Variants in INPP5A observed in about 807,000 individuals in gnomAD.
INPP5A encodes the protein inositol polyphosphate-5-phosphatase A.
In INPP5A, 14 loss-of-function variants were observed where a neutral mutation model predicts 65.2. The ratio of observed to expected loss-of-function variants is 0.21; its 90% CI spans 0.14 to 0.34. The LOEUF (loss-of-function observed/expected upper bound fraction) is 0.34. INPP5A is among the 10% of genes least tolerant of loss of function. INPP5A has a pLI of 1.00. For missense variants in INPP5A, 431 were observed against 545.6 expected (o/e 0.79, Z 2.09); for synonymous variants, 207 against 208.3 (o/e 0.99, Z 0.05).
intron 2 of INPP5A, among the ~76,000 whole-genome samples, chr10:132,630,056 C>T (rs1318933942): frequency 2.6e-5 from 4 of 151,622 alleles, no homozygotes; most frequent in Admixed American, 1.3e-4. Flanking sequence ...TGGAGGAGGG[C>T]GTCCTCGAGG....
At chr10:132,658,283 G>T (rs1310364966) in intron 4 of INPP5A, among the ~76,000 whole-genome samples, 1 of 152,128 alleles carries the variant, frequency 6.6e-6, no homozygotes. Context: ...AAAAGTGTTG[G>T]AATTTGGTCC....
chr10:132,570,913 C>T (rs1244186224), intron 1 of INPP5A, among the ~76,000 whole-genome samples: 2 of 152,360 alleles, frequency 1.3e-5, no homozygotes, highest in East Asian at 1.9e-4. Context: ...CGCCTCTCAT[C>T]GGCACAGCGG....
chr10:132,567,673 G>A (rs889345461), intron 1 of INPP5A, among the ~76,000 whole-genome samples: 4 of 152,142 alleles, frequency 2.6e-5, no homozygotes, highest in Admixed American at 2.6e-4. Flanking sequence ...GAAGATGCGG[G>A]GCTCGGTCTG....
rs552056441 is a variant in INPP5A at position 132,678,690 on chromosome 10, C to G, written c.307-11702C>G. ...ACTCAGAGGCGCCCAGGCCACATGC[C>G]TGCCCTCAGGGGGCTTCCCTTCCCT... On this transcript the variant is annotated intron_variant, in intron 4 of 15. Coordinates refer to ENST00000368594, the MANE Select transcript of INPP5A (RefSeq NM_005539.5). The surrounding 1 kb of genome is among the most constrained non-coding windows in gnomAD (Gnocchi z 4.1). 1.7e-3 allele frequency among the ~76,000 whole-genome samples: 258 copies of G among 152,366 alleles called. No individual in the cohort carries two copies. Among genetic ancestry groups the G allele is most frequent in the Middle Eastern group, 3.4e-3 (1 of 294 alleles).
At position 132,670,517 on chromosome 10, in the gene INPP5A, A is replaced by C. The variant is rs535608502; in HGVS notation, c.307-19875A>C. On this transcript the variant is annotated intron_variant, in intron 4 of 15. Transcript: ENST00000368594. ...CCAGCCCCTGGCTGGCTTGCTTCTC[A>C]GCACAGCCCTGGCCCAGAAGCAGGA... 3.2e-3 allele frequency among the ~76,000 whole-genome samples: 412 copies of C among 127,788 alleles called. 2 individuals carry two copies. Among genetic ancestry groups the C allele is most frequent in the Non-Finnish European group, 5.2e-3 (335 of 64,326 alleles). 83.8% of individuals were successfully genotyped at this position (127,788 alleles called of 152,430 possible).
At chr10:132,541,158 T>G (rs770196730) in intron 1 of INPP5A, among the ~76,000 whole-genome samples, 34 of 152,174 alleles carry the variant, frequency 2.2e-4, no homozygotes, top group Non-Finnish European at 4.3e-4. Flanking sequence ...AGCTAATTTT[T>G]GTAGAGACCA....
intron 2 of INPP5A, among the ~76,000 whole-genome samples, chr10:132,634,136 T>G (rs538937914): frequency 1.3e-5 from 2 of 152,268 alleles, no homozygotes; most frequent in Non-Finnish European, 2.9e-5. Flanking sequence ...TGTCTCATAA[T>G]TGTTTTTTAC....
At position 132,663,344 on chromosome 10, in the gene INPP5A, C is replaced by T. The variant is rs2072760724; in HGVS notation, c.306+12839C>T. Among the ~76,000 whole-genome samples the T allele has an allele frequency of 6.6e-6, 1 of 152,084 alleles. No individual in the cohort carries two copies. On this transcript the variant is annotated intron_variant, in intron 4 of 15. Transcript: ENST00000368594. This position sits in a 1 kb window ranked among gnomAD's most constrained non-coding sequence, Gnocchi z 4.5. ...TCAAGTGATCCTGTGGCCTCAGCCT[C>T]CCAAGTAGCTGAGGATACAGGTGTG...
chr10:132,749,627 T>C lies in INPP5A; in HGVS notation c.828+15T>C, dbSNP rs758472291. Reference sequence around the variant, plus strand: ...ACGACCGGAAGGTGAGCGGGGCCTGTGACTGGGCAGGTGACGCACGGGGCC... The same window carrying C: ...ACGACCGGAAGGTGAGCGGGGCCTGCGACTGGGCAGGTGACGCACGGGGCC... On this transcript the variant is annotated intron_variant, in intron 10 of 15. Coordinates refer to ENST00000368594, the MANE Select transcript of INPP5A (RefSeq NM_005539.5). 8.7e-6 allele frequency: 14 copies of C among 1,611,710 alleles called. No individual in the cohort carries two copies. Among genetic ancestry groups the C allele is most frequent in the Non-Finnish European group, 1.2e-5 (14 of 1,179,032 alleles).
chr10:132,668,112 T>C (rs2072830890), intron 4 of INPP5A, among the ~76,000 whole-genome samples: 1 of 152,360 alleles, frequency 6.6e-6, no homozygotes, highest in South Asian at 2.1e-4. Context: ...GTTTTTTGAG[T>C]GTACTGGAGT....
At chr10:132,718,629 C>G (rs1382882467) in intron 8 of INPP5A, among the ~76,000 whole-genome samples, 1 of 149,474 alleles carries the variant, frequency 6.7e-6, no homozygotes. Context: ...TTCTGTGGTG[C>G]CTGGTTTCTG....
chr10:132,727,045 A>G lies in INPP5A; in HGVS notation c.732+140A>G. Reference sequence around the variant, plus strand: ...GCACTTTTTAAGGCAAAACCTTTCAATGAAGAAGCATGTTTTGCTGTCGGC... The same window carrying G: ...GCACTTTTTAAGGCAAAACCTTTCAGTGAAGAAGCATGTTTTGCTGTCGGC... On this transcript the variant is annotated intron_variant, in intron 9 of 15. Coordinates refer to ENST00000368594, the MANE Select transcript of INPP5A (RefSeq NM_005539.5). The surrounding 1 kb of genome is among the most constrained non-coding windows in gnomAD (Gnocchi z 6.5). 1.9e-6 allele frequency: 1 copy of G among 521,984 alleles called. No homozygotes were observed. Among genetic ancestry groups the G allele is most frequent in the Non-Finnish European group, 3.4e-6 (1 of 298,330 alleles). 32.3% of individuals were successfully genotyped at this position (521,984 alleles called of 1,614,324 possible).
At chr10:132,683,603 A>T (rs1417162095) in intron 4 of INPP5A, among the ~76,000 whole-genome samples, 1 of 152,268 alleles carries the variant, frequency 6.6e-6, no homozygotes, top group Non-Finnish European at 1.5e-5. Context: ...TCTCTGACAC[A>T]CTTGCTCAGT....
chr10:132,680,674 C>T (rs1017442674), intron 4 of INPP5A, among the ~76,000 whole-genome samples: 5 of 152,242 alleles, frequency 3.3e-5, no homozygotes, highest in Non-Finnish European at 5.9e-5. Context: ...GAGGCGCTAG[C>T]GGGAACCGGG....
At chr10:132,700,213 A>G (rs1845414840) in intron 6 of INPP5A, among the ~76,000 whole-genome samples, 1 of 152,212 alleles carries the variant, frequency 6.6e-6, no homozygotes, top group Non-Finnish European at 1.5e-5. Context: ...TCCTGGGAGG[A>G]AAAGGCACCG....
intron 1 of INPP5A, among the ~76,000 whole-genome samples, chr10:132,607,667 G>A (rs886788562): frequency 6.6e-5 from 10 of 152,256 alleles, no homozygotes; most frequent in African/African-American, 1.9e-4. Flanking sequence ...GACGCTGCCC[G>A]AGCTTTCCTG....
intron 11 of INPP5A, among the ~76,000 whole-genome samples, chr10:132,764,609 TGC>T (rs1846799741): frequency 7.6e-6 from 1 of 131,332 alleles, no homozygotes; most frequent in African/African-American, 3.0e-5. Context: ...TGGGAGGGTG[TGC>T]GTGGTTACAC....
At chr10:132,539,672 C>T (rs2070884173) in intron 1 of INPP5A, among the ~76,000 whole-genome samples, 1 of 152,170 alleles carries the variant, frequency 6.6e-6, no homozygotes, top group Non-Finnish European at 1.5e-5. Context: ...GGCCGTGGAG[C>T]CACGGACGCT....
intron 2 of INPP5A, among the ~76,000 whole-genome samples, chr10:132,618,782 A>C (rs2072075721): frequency 6.6e-6 from 1 of 152,216 alleles, no homozygotes; most frequent in Admixed American, 6.5e-5. Context: ...AGTGAAAGCC[A>C]GAGCAAGAGA....
Sources: allele counts gnomAD v4.1 joint callset (sites outside exome capture counted in the v4.1 genomes callset), GRCh38; gene constraint gnomAD v4.1.1; non-coding constraint Gnocchi (gnomAD v3.1); transcripts MANE v1.5; gene names NCBI Gene and HGNC (gene_info 2026-07-23, HGNC 2026-07-21).